ATP6V0C: variants seen among roughly 807,000 people sequenced by gnomAD.
ATP6V0C encodes the protein V-type proton ATPase 16 kDa proteolipid subunit c.
ATP6V0C carries 2 observed loss-of-function variants against 10.6 expected under a neutral mutation model. That is an observed-to-expected ratio of 0.19 (90% CI 0.08 to 0.59). The LOEUF (loss-of-function observed/expected upper bound fraction) is 0.59. Ranked by LOEUF, ATP6V0C falls within the 20% of genes least tolerant of loss-of-function variation. ATP6V0C has a pLI of 0.90. For synonymous variants in ATP6V0C, 128 were observed against 101.3 expected (o/e 1.26, Z -1.59); for missense variants, 89 against 225.9 (o/e 0.39, Z 3.88).
intron 1 of ATP6V0C, among the ~76,000 whole-genome samples, chr16:2,515,500 A>G (rs2065872769): frequency 6.6e-6 from 1 of 151,970 alleles, no homozygotes; most frequent in Non-Finnish European, 1.5e-5. Flanking sequence ...CCTGTCTGCC[A>G]TTCGTGAGTG....
chr16:2,517,853 A>G (rs1350151467), intron 1 of ATP6V0C: 2 of 149,976 alleles, frequency 1.3e-5, no homozygotes, highest in African/African-American at 4.9e-5. Context: ...TGCAACCTCC[A>G]CTCCTGGGTT....
intron 1 of ATP6V0C, among the ~76,000 whole-genome samples, chr16:2,514,621 C>T (rs1026378818): frequency 6.6e-6 from 1 of 152,164 alleles, no homozygotes; most frequent in Non-Finnish European, 1.5e-5. Context: ...CCCAGGAACG[C>T]CCAGCCGGTC....
chr16:2,515,271 C>T (rs912501488), intron 1 of ATP6V0C, among the ~76,000 whole-genome samples: 1 of 152,276 alleles, frequency 6.6e-6, no homozygotes, highest in East Asian at 1.9e-4. Flanking sequence ...TCTCAGCCTC[C>T]GTGGACTGGC....
chr16:2,515,982 C>T (rs1207945846), intron 1 of ATP6V0C, among the ~76,000 whole-genome samples: 1 of 152,046 alleles, frequency 6.6e-6, no homozygotes, highest in African/African-American at 2.4e-5. Context: ...ATTGAGAACA[C>T]GGTATTGCTG....
chr16:2,514,383 G>C (rs2065866251), intron 1 of ATP6V0C: 2 of 360,052 alleles, frequency 5.6e-6, no homozygotes, highest in African/African-American at 4.4e-5. Context: ...CAGGGCGTGC[G>C]GGCCTGGCCG....
At chr16:2,514,703 C>T (rs531959679) in intron 1 of ATP6V0C, among the ~76,000 whole-genome samples, 7 of 152,056 alleles carry the variant, frequency 4.6e-5, no homozygotes, top group African/African-American at 1.7e-4. Flanking sequence ...CTTATGGCGG[C>T]CGGCCCCGAG....
At chr16:2,517,713 TTGTGTG>T (rs142726423) in intron 1 of ATP6V0C, 5,092 of 141,540 alleles carry the variant, frequency 0.036, 111 homozygotes, top group East Asian at 0.12. Context: ...GTCAGGCTGT[TTGTGTG>T]TGTGTGTGTG....
In ATP6V0C at chr16:2,519,973, C is replaced by A; in HGVS notation, c.*228C>A. The A allele has an allele frequency of 1.4e-6, 1 of 707,484 alleles. No homozygotes were observed. The highest frequency in any genetic ancestry group is 2.5e-6 in the Non-Finnish European group (1 of 392,272). 43.8% of individuals were successfully genotyped at this position (707,484 alleles called of 1,614,324 possible). On this transcript the variant is annotated 3_prime_UTR_variant, in exon 3 of 3. Transcript: ENST00000330398. ...GCCCCTCCAGGCCCCCGGCGCCCCA[C>A]CCCCTAGAGTGCTCTGTGTATGCGG...
Position 2,514,118 on chromosome 16 carries a change from G to A in ATP6V0C, c.15G>A (p.Lys5=). ...CACCCGCAGACATGTCCGAGTCCAA[G>A]AGCGGCCCCGAGTATGCTTCGTTTT... MSES[K]SGPEYASFFA... is the part of the protein sequence containing the mutation. Residue 5 remains lysine (K), a synonymous_variant, in exon 1 of 3, where the codon AAG becomes AAA. Coordinates refer to ENST00000330398, the MANE Select transcript of ATP6V0C (RefSeq NM_001694.4). 6.3e-7 allele frequency: 1 copy of A among 1,585,370 alleles called. No individual in the cohort carries two copies. The highest frequency in any genetic ancestry group is 8.6e-7 in the Non-Finnish European group (1 of 1,167,044).
At chr16:2,514,411 G>T (rs978355147) in intron 1 of ATP6V0C, 3 of 266,620 alleles carry the variant, frequency 1.1e-5, no homozygotes, top group African/African-American at 4.6e-5. Context: ...AGTCTCGGGG[G>T]TCCGGGCCGG....
chr16:2,515,402 A>G (rs566402943), intron 1 of ATP6V0C, among the ~76,000 whole-genome samples: 1 of 152,250 alleles, frequency 6.6e-6, no homozygotes, highest in Admixed American at 6.5e-5. Flanking sequence ...GGAGGGTTTG[A>G]ACTCCAAACA....
intron 1 of ATP6V0C, among the ~76,000 whole-genome samples, chr16:2,516,418 C>T (rs1001661839): frequency 6.6e-6 from 1 of 152,178 alleles, no homozygotes; most frequent in African/African-American, 2.4e-5. Flanking sequence ...GGCTCAACTT[C>T]TGACTTCATT....
In ATP6V0C at chr16:2,520,166, G is replaced by T. The variant is rs1044872937; in HGVS notation, c.*421G>T. ...CTTCCTGGATGGAGCCGCCCTCACCGCCGGGCCCGTGGCCCTGCGCGGAGC... is the reference window on the plus strand; with the variant it reads ...CTTCCTGGATGGAGCCGCCCTCACCTCCGGGCCCGTGGCCCTGCGCGGAGC... On this transcript the variant is annotated 3_prime_UTR_variant, in exon 3 of 3. Transcript: ENST00000330398. The T allele has an allele frequency of 1.9e-6, 1 of 524,294 alleles. No homozygotes were observed. Among genetic ancestry groups the T allele is most frequent in the Non-Finnish European group, 3.5e-6 (1 of 282,482 alleles). The allele number at this position is 524,294 out of a possible 1,614,324, so 32.5% of individuals were successfully genotyped here. A position where few individuals can be genotyped will look rare whatever the true frequency, so the allele number is the denominator to read the frequency against.
intron 1 of ATP6V0C, among the ~76,000 whole-genome samples, chr16:2,516,048 G>T (rs2065875522): frequency 6.6e-6 from 1 of 151,622 alleles, no homozygotes; most frequent in African/African-American, 2.4e-5. Context: ...GCTTACTGTG[G>T]CTCTCCAGGA....
upstream of ATP6V0C, chr16:2,513,877 T>A: frequency 2.5e-6 from 1 of 403,216 alleles, no homozygotes. Context: ...GGGACGCGTC[T>A]CCCCCACGGT....
In ATP6V0C at chr16:2,519,901, C is replaced by A; in HGVS notation, c.*156C>A. The A allele has an allele frequency of 8.9e-7, 1 of 1,120,738 alleles. No homozygotes were observed. Among genetic ancestry groups the A allele is most frequent in the East Asian group, 2.6e-5 (1 of 39,178 alleles). The allele number at this position is 1,120,738 out of a possible 1,614,324, so 69.4% of individuals were successfully genotyped here. ...TAGTGCCCATCGTCTGTTTCCCCGG[C>A]CTTGCCCCCGCCCGCCCCGTGCCGT... On this transcript the variant is annotated 3_prime_UTR_variant, in exon 3 of 3. Coordinates refer to ENST00000330398, the MANE Select transcript of ATP6V0C (RefSeq NM_001694.4).
In ATP6V0C at chr16:2,520,161, T is replaced by C; in HGVS notation, c.*416T>C. The C allele has an allele frequency of 3.8e-6, 2 of 520,390 alleles. No homozygotes were observed. The highest frequency in any genetic ancestry group is 3.7e-5 in the East Asian group (1 of 26,846). 32.2% of individuals were successfully genotyped at this position (520,390 alleles called of 1,614,324 possible). On this transcript the variant is annotated 3_prime_UTR_variant, in exon 3 of 3. Coordinates refer to ENST00000330398, the MANE Select transcript of ATP6V0C (RefSeq NM_001694.4). ...TGAGACTTCCTGGATGGAGCCGCCC[T>C]CACCGCCGGGCCCGTGGCCCTGCGC...
At chr16:2,515,647 C>T (rs1307605290) in intron 1 of ATP6V0C, among the ~76,000 whole-genome samples, 4 of 152,186 alleles carry the variant, frequency 2.6e-5, no homozygotes, top group Admixed American at 1.3e-4. Flanking sequence ...CCGAGCCCTT[C>T]CCCCCAGCCT....
At chr16:2,514,746 TC>T (rs1232399433) in intron 1 of ATP6V0C, among the ~76,000 whole-genome samples, 4 of 152,158 alleles carry the variant, frequency 2.6e-5, no homozygotes, top group Non-Finnish European at 5.9e-5. Context: ...GGCAGGTACT[TC>T]CGGTTGGAGC....
Sources: allele counts gnomAD v4.1 joint callset (sites outside exome capture counted in the v4.1 genomes callset), GRCh38; gene constraint gnomAD v4.1.1; transcripts MANE v1.5; gene names NCBI Gene and HGNC (gene_info 2026-07-23, HGNC 2026-07-21).